TYW3: variants seen among roughly 807,000 people sequenced by gnomAD.
TYW3 encodes the protein tRNA wybutosine-synthesizing protein 3 homolog.
TYW3 carries 26 observed loss-of-function variants against 23.1 expected under a neutral mutation model. That is an observed-to-expected ratio of 1.13 (90% confidence interval 0.83 to 1.56). The LOEUF (loss-of-function observed/expected upper bound fraction) is 1.56, where lower values mean the gene tolerates loss of function less well. Ranked by LOEUF, TYW3 falls within the 40% of genes most tolerant of loss-of-function variation. The pLI is 0.00. For synonymous variants in TYW3, 102 were observed against 105.7 expected (o/e 0.97, Z 0.21); for missense variants, 316 against 311.9 (o/e 1.01, Z -0.10).
intron 5 of TYW3, among the ~76,000 whole-genome samples, chr1:74,754,517 T>C (rs1648888043): frequency 6.6e-6 from 1 of 152,108 alleles, no homozygotes; most frequent in Non-Finnish European, 1.5e-5. Flanking sequence ...ACTCTTCTGA[T>C]GTTGAAAAGA....
intron 3 of TYW3, among the ~76,000 whole-genome samples, chr1:74,745,820 C>G (rs1166342762): frequency 6.6e-6 from 1 of 152,180 alleles, no homozygotes; most frequent in Non-Finnish European, 1.5e-5. Context: ...AAGGTACTGG[C>G]AGGGGTAGTT....
chr1:74,733,533 T>C, intron 1 of TYW3, 115 bp downstream of exon 1: 4 of 1,456,796 alleles, frequency 2.7e-6, no homozygotes, highest in Non-Finnish European at 3.6e-6. Flanking sequence ...CTCTGAGGGG[T>C]GGTCTCTGTT....
At chr1:74,763,723 A>C (rs565285185) in intron 5 of TYW3, among the ~76,000 whole-genome samples, 171 bp from the exon 6 acceptor site, 9 of 152,256 alleles carry the variant, frequency 5.9e-5, no homozygotes, top group African/African-American at 2.2e-4. Flanking sequence ...GCTGTTCTTA[A>C]AGAACTGAAA....
At chr1:74,744,163 G>C (rs1265439544) in intron 3 of TYW3, among the ~76,000 whole-genome samples, 1 of 152,094 alleles carries the variant, frequency 6.6e-6, no homozygotes, top group Non-Finnish European at 1.5e-5. Context: ...CTAGGATGTG[G>C]GGGTAAGCTG....
intron 5 of TYW3, among the ~76,000 whole-genome samples, chr1:74,753,173 T>G (rs1366507884): frequency 6.6e-6 from 1 of 152,208 alleles, no homozygotes; most frequent in Non-Finnish European, 1.5e-5. Flanking sequence ...ATAGCCAATT[T>G]GATGTCGTTT....
At position 74,745,172 on chromosome 1, in the gene TYW3, C is replaced by T. The variant is rs967818055; in HGVS notation, c.355-3579C>T. Among the ~76,000 whole-genome samples the T allele has an allele frequency of 3.9e-5, 6 of 152,162 alleles. No homozygotes were observed. In the East Asian group the frequency reaches 7.7e-4, roughly 20 times the overall value. On this transcript the variant is annotated intron_variant, in intron 3 of 5. Coordinates refer to ENST00000370867, the MANE Select transcript of TYW3 (RefSeq NM_138467.3). ...CTAAAGGAATGAAGCCTCAGACCTCCGCAGTGAGTGTTACAGCTCATAAGG... is the reference window on the plus strand; with the variant it reads ...CTAAAGGAATGAAGCCTCAGACCTCTGCAGTGAGTGTTACAGCTCATAAGG...
At chr1:74,736,418 A>G in intron 1 of TYW3, 124 bp from the exon 2 acceptor site, 1 of 613,516 alleles carries the variant, frequency 1.6e-6, no homozygotes. Flanking sequence ...AATTGTTTTT[A>G]TTAATACTTA....
intron 1 of TYW3, among the ~76,000 whole-genome samples, chr1:74,735,803 G>C (rs1257280374): frequency 6.6e-6 from 1 of 152,216 alleles, no homozygotes; most frequent in African/African-American, 2.4e-5. Context: ...TCCAAGGGCA[G>C]ACAGCAGAGT....
chr1:74,753,651 T>G lies in TYW3; in HGVS notation c.560+1226T>G, dbSNP rs370571763. On this transcript the variant is annotated intron_variant, in intron 5 of 5. Transcript: ENST00000370867. ...CTTAAAGAATAATTATTATATTCAT[T>G]AGATAGTGTATTTATAATGACTGCC... Among the ~76,000 whole-genome samples, 32 of 152,356 alleles carry G rather than the reference T, an allele frequency of 2.1e-4. 1 individual carries two copies. Among genetic ancestry groups the G allele is most frequent in the African/African-American group, 7.7e-4 (32 of 41,584 alleles).
Position 74,738,789 on chromosome 1 carries a change from G to A in TYW3, c.354+1G>A. 1 of 1,605,162 alleles carries A rather than the reference G, an allele frequency of 6.2e-7. No individual in the cohort carries two copies. The highest frequency in any genetic ancestry group is 1.3e-5 in the African/African-American group (1 of 74,922). ...ACAATTGCAGGATGCACAGATTCTG[G>A]TAAAATTTTGTTGTAATTGTACTTG... On this transcript the variant is annotated splice_donor_variant, in intron 3 of 5. Coordinates refer to ENST00000370867, the MANE Select transcript of TYW3 (RefSeq NM_138467.3). LOFTEE classifies it high-confidence loss of function.
intron 5 of TYW3, among the ~76,000 whole-genome samples, chr1:74,762,359 G>A (rs191047636): frequency 1.3e-5 from 2 of 152,096 alleles, no homozygotes; most frequent in African/African-American, 4.8e-5. Flanking sequence ...AAAATTTCTT[G>A]CCATAGTCTC....
intron 3 of TYW3, among the ~76,000 whole-genome samples, chr1:74,740,611 G>A (rs968268101): frequency 1.3e-5 from 2 of 151,710 alleles, no homozygotes; most frequent in African/African-American, 4.8e-5. Flanking sequence ...AGCGCTGATT[G>A]GTGCGTTTTT....
intron 2 of TYW3, among the ~76,000 whole-genome samples, chr1:74,738,286 G>T (rs1367389358): frequency 6.6e-6 from 1 of 152,050 alleles, no homozygotes; most frequent in Non-Finnish European, 1.5e-5. Flanking sequence ...TGGGAACATG[G>T]GTGGCAGTTA....
chr1:74,733,398 C>T lies in TYW3; in HGVS notation c.154C>T (p.Arg52Cys), dbSNP rs1385802336. ...QFFTTSSCAGRILLLDRGING... is the reference protein window; with the variant it reads ...QFFTTSSCAGCILLLDRGING... ...TTTCACCACCAGCTCCTGCGCTGGC[C>T]GCATCCTACTCCTTGACCGGGTGAG... Residue 52 changes from arginine (R) to cysteine (C), a missense_variant, in exon 1 of 6, where the codon CGC becomes TGC. Physicochemically the swap from Arg to Cys is radical, Grantham distance 180. Coordinates refer to ENST00000370867, the MANE Select transcript of TYW3 (RefSeq NM_138467.3). The T allele has an allele frequency of 1.9e-6, 3 of 1,614,092 alleles. No homozygotes were observed. In the Admixed American group the frequency reaches 5.0e-5, roughly 27 times the overall value.
chr1:74,753,133 G>C (rs1360653663), intron 5 of TYW3, among the ~76,000 whole-genome samples: 1 of 152,194 alleles, frequency 6.6e-6, no homozygotes, highest in Non-Finnish European at 1.5e-5. Context: ...CCATCAGCTA[G>C]ATGCACAGTT....
intron 3 of TYW3, among the ~76,000 whole-genome samples, chr1:74,739,169 A>G (rs1305535740): frequency 6.6e-6 from 1 of 152,178 alleles, no homozygotes; most frequent in African/African-American, 2.4e-5. Flanking sequence ...TGAGGTAAAC[A>G]TCTGTTTAGT....
chr1:74,763,259 A>T (rs1254488628), intron 5 of TYW3, among the ~76,000 whole-genome samples: 1 of 152,146 alleles, frequency 6.6e-6, no homozygotes, highest in Non-Finnish European at 1.5e-5. Context: ...CTATATAAAG[A>T]AATGGCTAAA....
At position 74,735,957 on chromosome 1, in the gene TYW3, C is replaced by A. The variant is rs1448332777; in HGVS notation, c.175-585C>A. On this transcript the variant is annotated intron_variant, in intron 1 of 5. Transcript: ENST00000370867. ...TACCTAATAGAACTTTGCAAATAAA[C>A]ATTTGTTCAATTTAAGTTAATATTA... Among the ~76,000 whole-genome samples, 3 of 152,120 alleles carry A rather than the reference C, an allele frequency of 2.0e-5. No individual in the cohort carries two copies. The East Asian group carries it at 5.8e-4, about 29-fold the overall frequency.
rs374374476 is a variant in TYW3 at position 74,763,380 on chromosome 1, C to G, written c.561-514C>G. 2.6e-5 allele frequency among the ~76,000 whole-genome samples: 4 copies of G among 152,100 alleles called. 1 individual carries two copies. Among genetic ancestry groups the G allele is most frequent in the African/African-American group, 2.4e-5 (1 of 41,522 alleles). On this transcript the variant is annotated intron_variant, in intron 5 of 5. Transcript: ENST00000370867. ...GATGACATAATGTTGTACTGCCACTCTCAATAAATAATAACTTTGAAAAAA... is the reference window on the plus strand; with the variant it reads ...GATGACATAATGTTGTACTGCCACTGTCAATAAATAATAACTTTGAAAAAA...
Sources: gnomAD v4.1 joint callset for allele counts (sites outside exome capture counted in the v4.1 genomes callset) on GRCh38, gnomAD v4.1.1 for gene constraint, MANE v1.5 for transcripts, NCBI Gene and HGNC (gene_info 2026-07-23, HGNC 2026-07-21) for gene names.